MAPK10: variants seen among roughly 807,000 people sequenced by gnomAD.
MAPK10 encodes the protein mitogen-activated protein kinase 10.
MAPK10 carries 25 observed loss-of-function variants against 59.3 expected under a neutral mutation model. That is an observed-to-expected ratio of 0.42 (90% CI 0.31 to 0.59). The LOEUF is 0.59. Among genes scored for constraint, MAPK10 ranks in the 20% least tolerant of loss-of-function variants. The pLI is 0.15. For missense variants in MAPK10, 351 were observed against 568.9 expected, an observed-to-expected ratio of 0.62 and a Z score of 3.90; for synonymous variants, 190 against 200.5, an observed-to-expected ratio of 0.95 and a Z score of 0.44.
At chr4:86,334,940 GAAT>G (rs1578422170) in intron 2 of MAPK10, 1 of 147,122 alleles carries the variant, frequency 6.8e-6, no homozygotes, top group East Asian at 2.0e-4. Flanking sequence ...TCAATGCCTA[GAAT>G]AATAGTCTTT....
At chr4:86,593,613 C>G (rs1763272869) in intron 1 of MAPK10, 1 of 152,146 alleles carries the variant, frequency 6.6e-6, no homozygotes, top group Non-Finnish European at 1.5e-5. Flanking sequence ...GATAAAATAA[C>G]AAGGCAAGTA....
At chr4:86,178,877 C>T (rs1178190815) in intron 3 of MAPK10, among the ~76,000 whole-genome samples, 2 of 152,148 alleles carry the variant, frequency 1.3e-5, no homozygotes, top group African/African-American at 4.8e-5. Flanking sequence ...AGTAACATTT[C>T]TACACACGAA....
chr4:86,422,009 A>G (rs911892703), intron 1 of MAPK10, among the ~76,000 whole-genome samples: 2 of 152,160 alleles, frequency 1.3e-5, no homozygotes, highest in African/African-American at 2.4e-5. Flanking sequence ...CCAAATACCA[A>G]TTCCTCAGAG....
At chr4:86,183,868 A>T (rs1210156776) in intron 3 of MAPK10, among the ~76,000 whole-genome samples, 1 of 152,032 alleles carries the variant, frequency 6.6e-6, no homozygotes, top group Non-Finnish European at 1.5e-5. Context: ...TGTGGTTTTG[A>T]TTTGCATTTC....
chr4:86,136,761 C>A (rs976659478), intron 4 of MAPK10, among the ~76,000 whole-genome samples: 3 of 151,636 alleles, frequency 2.0e-5, no homozygotes, highest in African/African-American at 4.9e-5. Flanking sequence ...AGAGTCAAGA[C>A]CCAACAGTGT....
chr4:86,121,925 T>G (rs1391445560), intron 4 of MAPK10, among the ~76,000 whole-genome samples: 2 of 152,136 alleles, frequency 1.3e-5, no homozygotes, highest in African/African-American at 4.8e-5. Context: ...TCTCTACTTC[T>G]CTAAACTTTA....
chr4:86,176,232 C>A (rs2075657962), intron 3 of MAPK10, among the ~76,000 whole-genome samples: 1 of 152,044 alleles, frequency 6.6e-6, no homozygotes. Context: ...AGTTGATTAC[C>A]TAAGAACATA....
chr4:86,307,855 T>C (rs2095598264), intron 2 of MAPK10, among the ~76,000 whole-genome samples: 1 of 152,138 alleles, frequency 6.6e-6, no homozygotes, highest in African/African-American at 2.4e-5. Flanking sequence ...CTCAGAGTCT[T>C]GCATCAGATG....
chr4:86,194,562 A>G (rs1234302321), intron 2 of MAPK10, among the ~76,000 whole-genome samples, 155 bp from the exon 3 acceptor site: 1 of 152,206 alleles, frequency 6.6e-6, no homozygotes, highest in Non-Finnish European at 1.5e-5. Flanking sequence ...TACCTTTCAC[A>G]AATTGTATTT....
chr4:86,554,245 G>A (rs573260593), intron 1 of MAPK10, among the ~76,000 whole-genome samples: 10 of 152,156 alleles, frequency 6.6e-5, no homozygotes, highest in African/African-American at 1.2e-4. Flanking sequence ...TGGTATGTTC[G>A]TTTTACATTT....
At chr4:86,436,050 T>C (rs931495864) in intron 1 of MAPK10, among the ~76,000 whole-genome samples, 1 of 152,216 alleles carries the variant, frequency 6.6e-6, no homozygotes, top group African/African-American at 2.4e-5. Flanking sequence ...ACTTCTTTTT[T>C]TCTTTACCTT....
chr4:86,107,860 T>C (rs1056544235), intron 4 of MAPK10, among the ~76,000 whole-genome samples: 5 of 152,120 alleles, frequency 3.3e-5, no homozygotes, highest in Non-Finnish European at 7.4e-5. Flanking sequence ...GAACCAGGTG[T>C]TTTGTTTGTT....
At chr4:86,297,011 T>C (rs955428322) in intron 2 of MAPK10, among the ~76,000 whole-genome samples, 1 of 152,158 alleles carries the variant, frequency 6.6e-6, no homozygotes, top group African/African-American at 2.4e-5. Flanking sequence ...GGGGACTGCC[T>C]GGCCTGCCCT....
At chr4:86,134,812 A>C (rs1394790775) in intron 4 of MAPK10, among the ~76,000 whole-genome samples, 4 of 152,066 alleles carry the variant, frequency 2.6e-5, no homozygotes, top group Non-Finnish European at 5.9e-5. Flanking sequence ...CGGTGGGCGC[A>C]GGTCAGTGGG....
chr4:86,189,734 C>T (rs2079190163), intron 3 of MAPK10, among the ~76,000 whole-genome samples: 3 of 152,100 alleles, frequency 2.0e-5, no homozygotes, highest in Admixed American at 1.3e-4. Context: ...TTTGAATACG[C>T]TTTATTTCAT....
At chr4:86,512,028 G>A (rs1756314287) in intron 1 of MAPK10, among the ~76,000 whole-genome samples, 1 of 152,036 alleles carries the variant, frequency 6.6e-6, no homozygotes. Flanking sequence ...TCAAGATCAA[G>A]CAGAACAAAA....
At chr4:86,439,076 ATTT>A (rs1382405817) in intron 1 of MAPK10, among the ~76,000 whole-genome samples, 4 of 152,090 alleles carry the variant, frequency 2.6e-5, no homozygotes, top group Non-Finnish European at 4.4e-5. Context: ...TTAAAAATAG[ATTT>A]TTATTTTTAT....
intron 2 of MAPK10, among the ~76,000 whole-genome samples, chr4:86,245,408 C>G (rs902595211): frequency 1.3e-5 from 2 of 151,640 alleles, no homozygotes; most frequent in Non-Finnish European, 2.9e-5. Context: ...GCCTTCCAGG[C>G]TCAAGTGATC....
intron 1 of MAPK10, among the ~76,000 whole-genome samples, chr4:86,513,076 CT>C (rs912978817): frequency 2.0e-5 from 3 of 151,066 alleles, no homozygotes; most frequent in Admixed American, 6.6e-5. Flanking sequence ...CTTTTCTTTT[CT>C]TTTTTTTTAG....
Sources: gnomAD v4.1 joint callset for allele counts (sites outside exome capture counted in the v4.1 genomes callset) on GRCh38, gnomAD v4.1.1 for gene constraint, MANE v1.5 for transcripts, NCBI Gene and HGNC (gene_info 2026-07-23, HGNC 2026-07-21) for gene names.